The following SYNE2 variants were observed in gnomAD, a reference collection of about 807,000 sequenced individuals.
SYNE2 encodes the protein spectrin repeat containing nuclear envelope protein 2.
SYNE2 carries 431 observed loss-of-function variants against 856.3 expected under a neutral mutation model. That is an observed-to-expected ratio of 0.50 (90% CI 0.47 to 0.55). The LOEUF (loss-of-function observed/expected upper bound fraction) is 0.55. Among genes scored for constraint, SYNE2 ranks in the 20% least tolerant of loss-of-function variants. SYNE2 has a pLI of 0.00. For missense variants in SYNE2, 8,129 were observed against 8,023.2 expected, an observed-to-expected ratio of 1.01 and a Z score of -0.50; for synonymous variants, 2,923 against 2,872.3, an observed-to-expected ratio of 1.02 and a Z score of -0.56.
chr14:64,187,082 T>G (rs1393479768), intron 97 of SYNE2, among the ~76,000 whole-genome samples: 1 of 152,242 alleles, frequency 6.6e-6, no homozygotes, highest in East Asian at 1.9e-4. Context: ...AGAGAAATGA[T>G]CAACTGCTAT....
chr14:63,985,477 A>G (rs551783628), intron 18 of SYNE2, among the ~76,000 whole-genome samples: 8 of 152,240 alleles, frequency 5.3e-5, no homozygotes, highest in South Asian at 2.1e-4. Context: ...AAAAGATTTA[A>G]TTTTGTTGAA....
chr14:63,811,821 G>T (rs1595133522), intron 1 of SYNE2, among the ~76,000 whole-genome samples: 1 of 152,100 alleles, frequency 6.6e-6, no homozygotes, highest in Non-Finnish European at 1.5e-5. Context: ...AAGGGGAGGG[G>T]TTGTACAAAC....
Position 64,211,962 on chromosome 14 carries a change from A to T in SYNE2, c.18725A>T (p.His6242Leu). The T allele has an allele frequency of 6.2e-7, 1 of 1,613,986 alleles. No homozygotes were observed. The highest frequency in any genetic ancestry group is 8.5e-7 in the Non-Finnish European group (1 of 1,179,978). ...RVTAVLRRLR[H>L]FTNQREEFEG... ...GTGATTTCCTCCCCACTTTTGCAGC[A>T]TTTCACCAACCAGAGGGAAGAATTT... The change falls in exon 104 of 116, where the codon CAT (histidine) becomes CTT (leucine). Residue 6242 changes from histidine (H) to leucine (L), a missense_variant and splice_region_variant. By Grantham distance (99) the His-to-Leu change is moderately conservative. This residue lies in a region of SYNE2 where 5,410 missense variants were observed against 5,284.8 expected (regional missense o/e 1.02). Coordinates refer to ENST00000555002, the MANE Select transcript of SYNE2 (RefSeq NM_182914.3).
intron 61 of SYNE2, among the ~76,000 whole-genome samples, chr14:64,096,992 C>T (rs1359235083): frequency 6.6e-6 from 1 of 152,200 alleles, no homozygotes; most frequent in Non-Finnish European, 1.5e-5. Flanking sequence ...GCAGTACTCA[C>T]TTCAGGAGCT....
Position 64,021,499 on chromosome 14 carries a change from T to A in SYNE2, c.5336T>A (p.Ile1779Asn). The A allele has an allele frequency of 6.2e-7, 1 of 1,614,116 alleles. No homozygotes were observed. The highest frequency in any genetic ancestry group is 8.5e-7 in the Non-Finnish European group (1 of 1,180,024). ...KALSPSDSLE[I>N]FTKLEEIQQQ... ...CTGTCTCCTTCTGACAGCTTGGAGA[T>A]CTTCACTAAACTAGAGGTGCTACCG... is the stretch of plus-strand genomic sequence containing the variant. Residue 1779 changes from isoleucine to asparagine, a missense_variant, in exon 36 of 116, where the codon ATC becomes AAC. Around this residue, in one of 3 missense-constraint regions of SYNE2, gnomAD observed 2,422 missense variants for 2,357.4 expected, o/e 1.03. Transcript: ENST00000555002.
At chr14:63,812,765 A>G (rs537969700) in intron 1 of SYNE2, among the ~76,000 whole-genome samples, 10 of 152,266 alleles carry the variant, frequency 6.6e-5, no homozygotes, top group African/African-American at 2.4e-4. Context: ...GCAACAGTTG[A>G]CTTTAAGGAA....
intron 104 of SYNE2, 48 bp downstream of exon 104, chr14:64,212,146 C>T (rs188125599): frequency 1.1e-5 from 18 of 1,611,554 alleles, no homozygotes; most frequent in East Asian, 6.7e-5. Context: ...CACACCTTTG[C>T]GTGGGAGAGC....
intron 65 of SYNE2, 91 bp downstream of exon 65, chr14:64,107,698 C>A: frequency 2.0e-6 from 2 of 1,010,528 alleles, no homozygotes; most frequent in Non-Finnish European, 1.6e-6. Context: ...ATACCTTGTA[C>A]GTCAAGCTAA....
At chr14:63,999,691 G>T (rs1362087539) in intron 27 of SYNE2, among the ~76,000 whole-genome samples, 2 of 152,204 alleles carry the variant, frequency 1.3e-5, no homozygotes, top group African/African-American at 4.8e-5. Flanking sequence ...GATGATCTGT[G>T]CATTGCAGTG....
chr14:64,114,641 G>A (rs1480080234), intron 66 of SYNE2, among the ~76,000 whole-genome samples: 4 of 144,632 alleles, frequency 2.8e-5, no homozygotes, highest in South Asian at 2.2e-4. Context: ...TTTTTTTTTC[G>A]GGGTCTCACC....
At chr14:63,886,559 A>G (rs1405840316) in intron 1 of SYNE2, among the ~76,000 whole-genome samples, 1 of 152,204 alleles carries the variant, frequency 6.6e-6, no homozygotes, top group African/African-American at 2.4e-5. Flanking sequence ...TACTGGATGT[A>G]TATCAATTTT....
intron 1 of SYNE2, among the ~76,000 whole-genome samples, chr14:63,787,113 A>G (rs1308963508): frequency 2.0e-5 from 3 of 152,140 alleles, no homozygotes; most frequent in Non-Finnish European, 4.4e-5. Flanking sequence ...ACATACATGC[A>G]TACAATATAT....
chr14:64,209,857 C>A (rs1435105881), intron 102 of SYNE2, 85 bp from the exon 103 acceptor site: 2 of 1,577,116 alleles, frequency 1.3e-6, no homozygotes, highest in African/African-American at 1.3e-5. Flanking sequence ...GAACCCCTGG[C>A]AGCAGGTCGC....
intron 90 of SYNE2, chr14:64,166,740 T>G: frequency 4.8e-6 from 1 of 206,404 alleles, no homozygotes; most frequent in Non-Finnish European, 9.8e-6. Flanking sequence ...AAGGTCAGAG[T>G]TTTAGACCAG....
intron 86 of SYNE2, among the ~76,000 whole-genome samples, 185 bp downstream of exon 86, chr14:64,158,980 T>C (rs1045614980): frequency 3.2e-4 from 49 of 152,182 alleles, no homozygotes; most frequent in Admixed American, 3.0e-3. Flanking sequence ...CAGTAAAACA[T>C]TGTAAAATGT....
intron 6 of SYNE2, among the ~76,000 whole-genome samples, chr14:63,949,522 G>A (rs1314268157): frequency 6.6e-6 from 1 of 152,150 alleles, no homozygotes; most frequent in African/African-American, 2.4e-5. Flanking sequence ...TTTGACAGGT[G>A]TTAAACTACA....
At position 64,218,532 on chromosome 14, in the gene SYNE2, G is replaced by T; in HGVS notation, c.19657+20G>T. On this transcript the variant is annotated intron_variant, in intron 109 of 115. Transcript: ENST00000555002. ...AGTCAGGTACTGCCTGTAACTGGCA[G>T]TCGTCCAGAGAGGCAGAGTATGGTA... 6.2e-7 allele frequency: 1 copy of T among 1,609,480 alleles called. No homozygotes were observed. Among genetic ancestry groups the T allele is most frequent in the Non-Finnish European group, 8.5e-7 (1 of 1,176,534 alleles).
At chr14:64,041,338 G>A (rs1377483243) in intron 45 of SYNE2, among the ~76,000 whole-genome samples, 1 of 152,100 alleles carries the variant, frequency 6.6e-6, no homozygotes, top group African/African-American at 2.4e-5. Flanking sequence ...ATTTTGACTA[G>A]ATTAAAACAG....
intron 1 of SYNE2, among the ~76,000 whole-genome samples, chr14:63,776,855 C>T (rs1285412472): frequency 6.6e-6 from 1 of 152,170 alleles, no homozygotes; most frequent in East Asian, 1.9e-4. Context: ...CCCACCTTGG[C>T]CTCCCAGAGT....
Sources: allele counts gnomAD v4.1 joint callset (sites outside exome capture counted in the v4.1 genomes callset), GRCh38; gene constraint gnomAD v4.1.1; regional missense constraint gnomAD v4.1.1; transcripts MANE v1.5; gene names NCBI Gene and HGNC (gene_info 2026-07-23, HGNC 2026-07-21).